Variants in SV2C observed in about 807,000 individuals in gnomAD.
SV2C encodes the protein synaptic vesicle glycoprotein 2C.
SV2C carries 49 observed loss-of-function variants against 79.7 expected under a neutral mutation model. The ratio of observed to expected loss-of-function variants is 0.61; its 90% CI spans 0.49 to 0.78. The LOEUF (loss-of-function observed/expected upper bound fraction) is 0.78, where lower values mean the gene tolerates loss of function less well. Ranked by LOEUF, SV2C falls within the 30% of genes least tolerant of loss-of-function variation. The probability of loss-of-function intolerance (pLI) is 0.00; values close to 1 mark genes in which losing one functional copy is unlikely to be tolerated. For missense variants in SV2C, 833 were observed against 912.9 expected (o/e 0.91, Z 1.13); for synonymous variants, 334 against 333.2 (o/e 1.00, Z -0.03).
intron 6 of SV2C, among the ~76,000 whole-genome samples, chr5:76,288,559 C>T (rs1335865888): frequency 6.6e-6 from 1 of 152,142 alleles, no homozygotes; most frequent in Non-Finnish European, 1.5e-5. Flanking sequence ...TCTTCTCAGC[C>T]AGATGAAGAA....
chr5:76,015,557 G>A, the SV2C span, among the ~76,000 whole-genome samples: 75 of 152,042 alleles, frequency 4.9e-4, no homozygotes, highest in Middle Eastern at 6.8e-3. Context: ...CTGATTCTTA[G>A]AAATAATCTT....
chr5:76,073,509 A>G, the SV2C span, among the ~76,000 whole-genome samples: 439 of 69,182 alleles, frequency 6.3e-3, 6 homozygotes, highest in Middle Eastern at 0.02. Context: ...GTGTGTATAT[A>G]TATATATATA....
chr5:75,902,085 G>GTACCCACTGTC, the SV2C span, among the ~76,000 whole-genome samples: 1 of 151,386 alleles, frequency 6.6e-6, no homozygotes, highest in African/African-American at 2.4e-5. Context: ...TGCATGGTGT[G>GTACCCACTGTC]CTGCACCCAC....
At position 76,204,685 on chromosome 5, in the gene SV2C, T is replaced by C. The variant is rs566140982; in HGVS notation, c.762-5051T>C. On this transcript the variant is annotated intron_variant, in intron 3 of 12. Coordinates refer to ENST00000502798, the MANE Select transcript of SV2C (RefSeq NM_014979.4). The stretch of plus-strand genomic sequence containing the variant: ...TCCATAATTTCTCTCTAAAATGCCA[T>C]GCTTCAAGCCATTTTAAGTACAATT... Among the ~76,000 whole-genome samples, 31 of 152,352 alleles carry C rather than the reference T, an allele frequency of 2.0e-4. No individual in the cohort carries two copies. In the South Asian group the frequency reaches 6.2e-3, roughly 31 times the overall value.
the SV2C span, among the ~76,000 whole-genome samples, chr5:76,048,965 GAGAAAGAAAGAAAGAAAGAAAGAAAGAA>G: frequency 3.4e-5 from 2 of 58,164 alleles, no homozygotes; most frequent in Admixed American, 4.5e-4. Flanking sequence ...GAAAGAAAAA[GAGAAAGAAAGAAAGAAAGAAAGAAAGAA>G]AGAAAGAAAG....
upstream of SV2C, among the ~76,000 whole-genome samples, chr5:76,082,641 C>CA (rs1164512011): frequency 2.7e-5 from 4 of 150,440 alleles, no homozygotes; most frequent in Non-Finnish European, 5.9e-5. Context: ...TCCACCCCCC[C>CA]CCCCTCATAT....
At chr5:75,959,903 C>A in the SV2C span, among the ~76,000 whole-genome samples, 1 of 151,942 alleles carries the variant, frequency 6.6e-6, no homozygotes. Flanking sequence ...AGACCTAGAG[C>A]ACCATTACTG....
chr5:75,896,000 T>C, the SV2C span, among the ~76,000 whole-genome samples: 1,014 of 152,280 alleles, frequency 6.7e-3, 3 homozygotes, highest in African/African-American at 9.8e-3. Context: ...AAAATGCACA[T>C]ACATAATTTA....
Position 76,244,239 on chromosome 5 carries a change from A to T in SV2C, c.913+34352A>T, listed in dbSNP as rs138924539. On this transcript the variant is annotated intron_variant, in intron 4 of 12. Transcript: ENST00000502798. ...AAAAGCAGAATGAGATGTCAAATGA[A>T]GTATTTCTGGTGTGGATTGGGGCTG... 1.9e-3 allele frequency among the ~76,000 whole-genome samples: 289 copies of T among 152,346 alleles called. 1 individual carries two copies. Among genetic ancestry groups the T allele is most frequent in the Middle Eastern group, 6.8e-3 (2 of 294 alleles).
chr5:76,132,111 C>T lies in SV2C; in HGVS notation c.361C>T (p.Arg121Trp), dbSNP rs562854902. The T allele has an allele frequency of 1.0e-4, 166 of 1,613,780 alleles. No individual in the cohort carries two copies. Among genetic ancestry groups the T allele is most frequent in the East Asian group, 9.8e-4 (44 of 44,854 alleles). ...CAAGGGCGATGAGTACAAGGACCGG[C>T]GGGAGCTGGAATCAGAAAGGAGAGC... ...QPKGDEYKDR[R>W]ELESERRADE... The change falls in exon 2 of 13, where the codon CGG (arginine) becomes TGG (tryptophan). Residue 121 changes from arginine to tryptophan, a missense_variant. Physicochemically the swap from Arg to Trp is moderately radical, Grantham distance 101. Transcript: ENST00000502798.
upstream of SV2C, among the ~76,000 whole-genome samples, chr5:76,082,567 CTT>C (rs1747027936): frequency 1.3e-5 from 2 of 151,106 alleles, no homozygotes; most frequent in African/African-American, 4.9e-5. Context: ...TCCTTTCTTT[CTT>C]TCTCTTTTTC....
At chr5:76,232,995 TG>T in intron 4 of SV2C, among the ~76,000 whole-genome samples, 1 of 140,912 alleles carries the variant, frequency 7.1e-6, no homozygotes. Flanking sequence ...GGTAGCTTGA[TG>T]GGGATGGCAT....
chr5:75,959,124 G>A, the SV2C span, among the ~76,000 whole-genome samples: 1 of 151,870 alleles, frequency 6.6e-6, no homozygotes, highest in Non-Finnish European at 1.5e-5. Flanking sequence ...CACCGTGGTA[G>A]CTGCTGATGA....
At chr5:76,315,997 C>T (rs1748604714) in intron 12 of SV2C, among the ~76,000 whole-genome samples, 1 of 152,168 alleles carries the variant, frequency 6.6e-6, no homozygotes. Context: ...TGCAGAATCA[C>T]TTGTTACCCC....
At chr5:75,922,768 A>G in the SV2C span, among the ~76,000 whole-genome samples, 1 of 152,222 alleles carries the variant, frequency 6.6e-6, no homozygotes, top group African/African-American at 2.4e-5. Context: ...ATGGCAATTT[A>G]GGAACCACAT....
the SV2C span, among the ~76,000 whole-genome samples, chr5:75,919,209 A>T: frequency 6.6e-6 from 1 of 152,218 alleles, no homozygotes; most frequent in African/African-American, 2.4e-5. Flanking sequence ...TAGCATGATG[A>T]TCCAGATTGT....
At chr5:75,980,135 C>T in the SV2C span, among the ~76,000 whole-genome samples, 4 of 151,956 alleles carry the variant, frequency 2.6e-5, no homozygotes, top group Admixed American at 2.6e-4. Context: ...GATAAATTCT[C>T]GGACACATAC....
chr5:76,318,289 G>C (rs572499278), intron 12 of SV2C, among the ~76,000 whole-genome samples: 1 of 152,062 alleles, frequency 6.6e-6, no homozygotes, highest in East Asian at 1.9e-4. Flanking sequence ...ATGATGGTGC[G>C]CACCTGTAAT....
At chr5:76,230,463 T>G (rs1295108853) in intron 4 of SV2C, among the ~76,000 whole-genome samples, 1 of 152,202 alleles carries the variant, frequency 6.6e-6, no homozygotes, top group East Asian at 1.9e-4. Context: ...TCATTTTAAT[T>G]ATTCATGTAG....
Sources: allele counts gnomAD v4.1 joint callset (sites outside exome capture counted in the v4.1 genomes callset), GRCh38; gene constraint gnomAD v4.1.1; transcripts MANE v1.5; gene names NCBI Gene and HGNC (gene_info 2026-07-23, HGNC 2026-07-21).